The following ATAD5 variants were observed in gnomAD, a reference collection of about 807,000 sequenced individuals.
The protein encoded by ATAD5 is ATPase family AAA domain containing 5.
Under a neutral mutation model 176.9 loss-of-function variants are expected in ATAD5, and 58 were observed. The observed-to-expected ratio is 0.33, with a 90% CI of 0.27 to 0.41. The LOEUF (loss-of-function observed/expected upper bound fraction) is 0.41. Ranked by LOEUF, ATAD5 falls within the 10% of genes least tolerant of loss-of-function variation. ATAD5 has a pLI of 1.00. For synonymous variants in ATAD5, 640 were observed against 712.6 expected, an observed-to-expected ratio of 0.90 and a Z score of 1.62; for missense variants, 1,789 against 2,094.1, an observed-to-expected ratio of 0.85 and a Z score of 2.84.
At position 30,887,209 on chromosome 17, in the gene ATAD5, C is replaced by T; in HGVS notation, c.4095C>T (p.Tyr1365=). 6.3e-7 allele frequency: 1 copy of T among 1,584,276 alleles called. No individual in the cohort carries two copies. The highest frequency in any genetic ancestry group is 8.5e-7 in the Non-Finnish European group (1 of 1,169,844). The change falls in exon 19 of 23, where the codon TAC becomes TAT. Residue 1365 remains tyrosine, a synonymous_variant. Transcript: ENST00000321990. ...TTTTGAAGCTAAATGTTGCCAGCTA[C>T]CTACAAATGATTTGCTTAACTGAGA... The part of the protein sequence containing the change: ...STPSLLNVAS[Y]LQMICLTENF...
At position 30,892,508 on chromosome 17, in the gene ATAD5, T is replaced by C. The variant is rs1443547871; in HGVS notation, c.4259-99T>C. 4.2e-6 allele frequency: 3 copies of C among 717,658 alleles called. No individual in the cohort carries two copies. In the African/African-American group the frequency reaches 5.5e-5, roughly 13 times the overall value. The allele number at this position is 717,658 out of a possible 1,614,324, so 44.5% of individuals were successfully genotyped here. A position where few individuals can be genotyped will look rare whatever the true frequency, so the allele number is the denominator to read the frequency against. ...ATATGTAGAGAACTAAATGGGGGTA[T>C]TTGTCCAGAAGATGTCAAAGGATCT... is the stretch of plus-strand genomic sequence containing the variant. On this transcript the variant is annotated intron_variant, in intron 19 of 22. Coordinates refer to ENST00000321990, the MANE Select transcript of ATAD5 (RefSeq NM_024857.5).
intron 4 of ATAD5, among the ~76,000 whole-genome samples, chr17:30,841,706 C>A (rs1304526974): frequency 6.6e-6 from 1 of 152,126 alleles, no homozygotes; most frequent in African/African-American, 2.4e-5. Flanking sequence ...TTTGCTTGTT[C>A]TGGACATTTC....
intron 4 of ATAD5, among the ~76,000 whole-genome samples, chr17:30,841,663 A>T (rs115184602): frequency 0.027 from 4,084 of 152,162 alleles, 168 homozygotes; most frequent in African/African-American, 0.09. Context: ...CACCAGCCAT[A>T]GCTAACTACT....
chr17:30,850,711 A>G (rs1699344738), intron 6 of ATAD5, among the ~76,000 whole-genome samples: 1 of 150,616 alleles, frequency 6.6e-6, no homozygotes, highest in Non-Finnish European at 1.5e-5. Context: ...TTCAATTAGG[A>G]AAGAAGAATA....
In ATAD5 at chr17:30,893,290, T is replaced by C; in HGVS notation, c.4441-4T>C. 6.4e-7 allele frequency: 1 copy of C among 1,558,914 alleles called. No homozygotes were observed. Among genetic ancestry groups the C allele is most frequent in the Non-Finnish European group, 8.6e-7 (1 of 1,156,778 alleles). ...ACATTTCTTTACTCAAAATTGTTTTTCAGCACAAAATCACAATGAAGGAAG... is the reference window on the plus strand; with the variant it reads ...ACATTTCTTTACTCAAAATTGTTTTCCAGCACAAAATCACAATGAAGGAAG... On this transcript the variant is annotated splice_region_variant and splice_polypyrimidine_tract_variant and intron_variant, in intron 20 of 22. Coordinates refer to ENST00000321990, the MANE Select transcript of ATAD5 (RefSeq NM_024857.5).
At chr17:30,872,446 ACT>A (rs1908388497) in intron 14 of ATAD5, among the ~76,000 whole-genome samples, 1 of 150,476 alleles carries the variant, frequency 6.6e-6, no homozygotes, top group Admixed American at 6.6e-5. Flanking sequence ...CTTGAGAGGG[ACT>A]CTGCAAATTT....
intron 14 of ATAD5, among the ~76,000 whole-genome samples, chr17:30,871,015 C>G (rs1382719160): frequency 3.3e-5 from 5 of 151,812 alleles, no homozygotes; most frequent in Non-Finnish European, 7.4e-5. Flanking sequence ...TTTCCTTTGG[C>G]AACTCCAGTT....
intron 19 of ATAD5, among the ~76,000 whole-genome samples, chr17:30,890,074 G>T (rs1347706492): frequency 1.3e-5 from 2 of 151,466 alleles, no homozygotes; most frequent in Non-Finnish European, 2.9e-5. Flanking sequence ...TTTTTGTAGA[G>T]ACGGGGATCT....
intron 17 of ATAD5, among the ~76,000 whole-genome samples, chr17:30,879,075 C>T (rs1191388200): frequency 6.6e-6 from 1 of 152,104 alleles, no homozygotes; most frequent in Non-Finnish European, 1.5e-5. Context: ...TGTGGTGGCT[C>T]ATGCCTTTAA....
At chr17:30,887,571 G>A (rs1350249246) in intron 19 of ATAD5, among the ~76,000 whole-genome samples, 199 bp downstream of exon 19, 1 of 151,992 alleles carries the variant, frequency 6.6e-6, no homozygotes, top group African/African-American at 2.4e-5. Context: ...ATTTATGGGA[G>A]GCCAAGGTGG....
chr17:30,832,236 G>T lies in ATAD5; in HGVS notation c.-112G>T, dbSNP rs891827755. On this transcript the variant is annotated 5_prime_UTR_variant, in exon 1 of 23. Coordinates refer to ENST00000321990, the MANE Select transcript of ATAD5 (RefSeq NM_024857.5). ...GCGCGGGGGAATCCGAAACGGCTCA[G>T]CAGAATCCCAGCAGCTTGCTGCTAC... 3 of 997,458 alleles carry T rather than the reference G, an allele frequency of 3.0e-6. No individual in the cohort carries two copies. The highest frequency in any genetic ancestry group is 4.1e-6 in the Non-Finnish European group (3 of 729,126). The allele number at this position is 997,458 out of a possible 1,614,324, so 61.8% of individuals were successfully genotyped here. A position where few individuals can be genotyped will look rare whatever the true frequency, so the allele number is the denominator to read the frequency against.
At chr17:30,863,115 T>C (rs1351582497) in intron 10 of ATAD5, 1 of 152,148 alleles carries the variant, frequency 6.6e-6, no homozygotes, top group Middle Eastern at 3.1e-3. Flanking sequence ...AGAGGATCAC[T>C]TGAGGTTAAG....
Position 30,876,410 on chromosome 17 carries a change from C to A in ATAD5, c.3644C>A (p.Pro1215Gln). ...TCCCCTAAGAAAGTTGTTACATCAC[C>A]AAGAAAAGTTCCTCCACCATCACCA... is the stretch of plus-strand genomic sequence containing the variant. ...ISSPKKVVTS[P>Q]RKVPPPSPKS... The change falls in exon 15 of 23, where the codon CCA becomes CAA. Residue 1215 changes from proline (P) to glutamine (Q), a missense_variant. Physicochemically the swap from Pro to Gln is moderately conservative, Grantham distance 76. Coordinates refer to ENST00000321990, the MANE Select transcript of ATAD5 (RefSeq NM_024857.5). 6.3e-7 allele frequency: 1 copy of A among 1,598,424 alleles called. No homozygotes were observed. Among genetic ancestry groups the A allele is most frequent in the South Asian group, 1.1e-5 (1 of 87,410 alleles).
chr17:30,895,647 C>G lies in ATAD5; in HGVS notation c.*734C>G, dbSNP rs1351186161. 6.6e-6 allele frequency: 1 copy of G among 152,320 alleles called. No homozygotes were observed. The highest frequency in any genetic ancestry group is 1.5e-5 in the Non-Finnish European group (1 of 68,188). The allele number at this position is 152,320 out of a possible 1,614,324, so 9.4% of individuals were successfully genotyped here. On this transcript the variant is annotated 3_prime_UTR_variant, in exon 23 of 23. Transcript: ENST00000321990. ...CTCTTAACTCCTGACCTCAAGTGAT[C>G]CATCTGCCTCGGCCTCCCAAAGTGC...
chr17:30,877,292 A>G, intron 15 of ATAD5, 124 bp from the exon 16 acceptor site: 3 of 677,134 alleles, frequency 4.4e-6, no homozygotes, highest in Non-Finnish European at 7.3e-6. Flanking sequence ...TACAGGCATG[A>G]GCCACCGCGC....
At position 30,860,540 on chromosome 17, in the gene ATAD5, A is replaced by G; in HGVS notation, c.3064A>G (p.Lys1022Glu). Residue 1022 changes from lysine to glutamate, a missense_variant, in exon 10 of 23, where the codon AAG becomes GAG. By Grantham distance (56) the Lys-to-Glu change is moderately conservative. Coordinates refer to ENST00000321990, the MANE Select transcript of ATAD5 (RefSeq NM_024857.5). ...AAATGAGTATTCAAAAAATCTGGAG[A>G]AGACCAATAGGAAGTCAGAAGAACT... The part of the protein sequence containing the change: ...KPNEYSKNLE[K>E]TNRKSEELSK... The G allele has an allele frequency of 1.3e-6, 2 of 1,599,874 alleles. No individual in the cohort carries two copies. The highest frequency in any genetic ancestry group is 1.7e-6 in the Non-Finnish European group (2 of 1,177,118).
intron 20 of ATAD5, 42 bp downstream of exon 20, chr17:30,892,830 T>G: frequency 1.4e-6 from 2 of 1,423,352 alleles, no homozygotes; most frequent in Non-Finnish European, 1.9e-6. Context: ...TTTATATTCC[T>G]TTTCATATTC....
intron 14 of ATAD5, among the ~76,000 whole-genome samples, chr17:30,871,380 A>G (rs756598540): frequency 6.6e-6 from 1 of 151,402 alleles, no homozygotes; most frequent in Non-Finnish European, 1.5e-5. Flanking sequence ...GGAGTCTCGC[A>G]CTTGTCGCCC....
At chr17:30,863,412 G>T (rs1907765502) in intron 10 of ATAD5, among the ~76,000 whole-genome samples, 1 of 150,150 alleles carries the variant, frequency 6.7e-6, no homozygotes, top group Non-Finnish European at 1.5e-5. Flanking sequence ...TGTTGCCCAT[G>T]CTGGAGTGCA....
Sources: allele counts gnomAD v4.1 joint callset (sites outside exome capture counted in the v4.1 genomes callset), GRCh38; gene constraint gnomAD v4.1.1; transcripts MANE v1.5; gene names NCBI Gene and HGNC (gene_info 2026-07-23, HGNC 2026-07-21).